Variants in OR51B4 observed in about 807,000 individuals in gnomAD.
OR51B4 encodes the protein olfactory receptor family 51 subfamily B member 4.
For synonymous variants in OR51B4, 147 were observed against 140.8 expected (o/e 1.04, Z -0.31); for missense variants, 402 against 379.8 (o/e 1.06, Z -0.49).
In OR51B4 at chr11:5,301,110, G is replaced by A; in HGVS notation, c.837C>T (p.Leu279=). 1 of 1,613,948 alleles carries A rather than the reference G, an allele frequency of 6.2e-7. No individual in the cohort carries two copies. Among genetic ancestry groups the A allele is most frequent in the East Asian group, 2.2e-5 (1 of 44,862 alleles). ...VPITMSYVHF[L]FPPFVNPIIY... is the part of the protein sequence containing the mutation. ...TGATAGGATTCACGAATGGAGGAAA[G>A]AGAAAATGGACATAGCTCATGGTAA... is the stretch of plus-strand genomic sequence containing the variant. Residue 279 remains leucine, a synonymous_variant, in exon 1 of 1, where the codon CTC becomes CTT. Coordinates refer to ENST00000380224, the MANE Select transcript of OR51B4 (RefSeq NM_033179.2).
chr11:5,301,368 G>A lies in OR51B4; in HGVS notation c.579C>T (p.His193=), dbSNP rs115675298. ...KLACADITFN[H]IYPIIQTSLT... ...AAGAAGTCTGAATAATTGGATATAT[G>A]TGATTAAACGTGATATCAGCACAGG... The change falls in exon 1 of 1, where the codon CAC becomes CAT. Residue 193 remains histidine, a synonymous_variant. Coordinates refer to ENST00000380224, the MANE Select transcript of OR51B4 (RefSeq NM_033179.2). The A allele has an allele frequency of 6.2e-7, 1 of 1,614,066 alleles. No individual in the cohort carries two copies. The highest frequency in any genetic ancestry group is 1.3e-5 in the African/African-American group (1 of 75,036).
Sources: gnomAD v4.1 joint callset for allele counts on GRCh38, gnomAD v4.1.1 for gene constraint, MANE v1.5 for transcripts, NCBI Gene and HGNC (gene_info 2026-07-23, HGNC 2026-07-21) for gene names.